RALGPS1: variants seen among roughly 807,000 people sequenced by gnomAD.
RALGPS1 encodes Ral GEF with PH domain and SH3 binding motif 1, also known as ras-specific guanine nucleotide-releasing factor RalGPS1.
Under a neutral mutation model 78.8 loss-of-function variants are expected in RALGPS1, and 19 were observed. That is an observed-to-expected ratio of 0.24 (90% confidence interval 0.17 to 0.35). The LOEUF is 0.35. Ranked by LOEUF, RALGPS1 falls within the 10% of genes least tolerant of loss-of-function variation. The pLI, the probability that RALGPS1 is intolerant of heterozygous loss-of-function variation, is 1.00. For missense variants in RALGPS1, 454 were observed against 688.3 expected, an observed-to-expected ratio of 0.66 and a Z score of 3.81; for synonymous variants, 228 against 256.3, an observed-to-expected ratio of 0.89 and a Z score of 1.06.
chr9:126,978,803 A>C (rs1340100339), intron 4 of RALGPS1, among the ~76,000 whole-genome samples: 1 of 152,070 alleles, frequency 6.6e-6, no homozygotes, highest in African/African-American at 2.4e-5. Context: ...GGCCTTTCCA[A>C]AGGGCCCACG....
intron 6 of RALGPS1, among the ~76,000 whole-genome samples, chr9:127,051,607 C>T (rs1010012582): frequency 6.6e-6 from 1 of 152,120 alleles, no homozygotes; most frequent in Admixed American, 6.5e-5. Flanking sequence ...GAGAATGTTA[C>T]GAGATGTATG....
intron 4 of RALGPS1, among the ~76,000 whole-genome samples, chr9:127,025,108 T>C (rs2045854516): frequency 1.3e-5 from 2 of 152,252 alleles, no homozygotes; most frequent in Admixed American, 6.5e-5. Context: ...CCTGTCTCTG[T>C]CATGTTTACC....
intron 4 of RALGPS1, among the ~76,000 whole-genome samples, chr9:127,026,624 GT>G (rs2045984954): frequency 2.0e-5 from 3 of 152,098 alleles, no homozygotes; most frequent in African/African-American, 7.2e-5. Context: ...CTAAGTTTTT[GT>G]TTCTTTTTCT....
chr9:127,082,633 T>C (rs2051290238), intron 8 of RALGPS1, among the ~76,000 whole-genome samples: 1 of 152,202 alleles, frequency 6.6e-6, no homozygotes, highest in Admixed American at 6.5e-5. Context: ...GGAATCAGAC[T>C]GACTCGAGTT....
chr9:127,172,508 G>A (rs1431643576), intron 10 of RALGPS1, among the ~76,000 whole-genome samples: 1 of 152,132 alleles, frequency 6.6e-6, no homozygotes, highest in South Asian at 2.1e-4. Context: ...GACTACTTCT[G>A]TGCCATTTCG....
intron 11 of RALGPS1, among the ~76,000 whole-genome samples, chr9:127,187,093 T>C (rs2060700492): frequency 6.6e-6 from 1 of 152,138 alleles, no homozygotes; most frequent in Non-Finnish European, 1.5e-5. Context: ...GACTGCAGAG[T>C]GCCTCTGAGC....
intron 1 of RALGPS1, among the ~76,000 whole-genome samples, chr9:126,915,992 C>T (rs1408615739): frequency 6.6e-6 from 1 of 152,108 alleles, no homozygotes; most frequent in Non-Finnish European, 1.5e-5. Context: ...ACTATGCTAC[C>T]TGGGAGAGTT....
At position 127,212,230 on chromosome 9, in the gene RALGPS1, G is replaced by A. The variant is rs1564805772; in HGVS notation, c.1347G>A (p.Lys449=). Residue 449 remains lysine (K), a synonymous_variant, in exon 15 of 19, where the codon AAG becomes AAA. Coordinates refer to ENST00000259351, the MANE Select transcript of RALGPS1 (RefSeq NM_014636.3). The surrounding 1 kb of genome is among the most constrained non-coding windows in gnomAD (Gnocchi z 6.0). ...AAACCCTGCTCAAGGAAGGGCGGAA[G>A]CCTGCGGTAAGTACAGACCCACATC... is the stretch of plus-strand genomic sequence containing the variant. ...RRKTLLKEGR[K]PALSSWTRYW... is the part of the protein sequence containing the mutation. 1 of 1,612,338 alleles carries A rather than the reference G, an allele frequency of 6.2e-7. No individual in the cohort carries two copies. Among genetic ancestry groups the A allele is most frequent in the Non-Finnish European group, 8.5e-7 (1 of 1,178,864 alleles).
intron 8 of RALGPS1, among the ~76,000 whole-genome samples, chr9:127,131,663 G>A (rs1401575266): frequency 6.6e-6 from 1 of 152,208 alleles, no homozygotes; most frequent in African/African-American, 2.4e-5. Flanking sequence ...ACAGACTTCA[G>A]TCTCTACAGC....
Position 127,212,772 on chromosome 9 carries a change from A to G in RALGPS1, c.1446+53A>G, listed in dbSNP as rs1321673127. 4.1e-5 allele frequency: 63 copies of G among 1,531,178 alleles called. No homozygotes were observed. Among genetic ancestry groups the G allele is most frequent in the Non-Finnish European group, 5.5e-5 (61 of 1,112,784 alleles). The allele number at this position is 1,531,178 out of a possible 1,614,324, so 94.8% of individuals were successfully genotyped here. A position where few individuals can be genotyped will look rare whatever the true frequency, so the allele number is the denominator to read the frequency against. On this transcript the variant is annotated intron_variant, in intron 16 of 18. Coordinates refer to ENST00000259351, the MANE Select transcript of RALGPS1 (RefSeq NM_014636.3). This position sits in a 1 kb window ranked among gnomAD's most constrained non-coding sequence, Gnocchi z 6.0. ...TGGGACTTCCTCTAGTGGGGAAGGG[A>G]CCTCTGTGAACTGTGGAGGATGGGG...
At chr9:127,045,819 A>G (rs1403573353) in intron 5 of RALGPS1, among the ~76,000 whole-genome samples, 1 of 151,718 alleles carries the variant, frequency 6.6e-6, no homozygotes, top group Non-Finnish European at 1.5e-5. Flanking sequence ...CTGCCAGCTG[A>G]GAGGACCTAG....
At chr9:127,127,059 GTT>G (rs2056667329) in intron 8 of RALGPS1, among the ~76,000 whole-genome samples, 1 of 152,180 alleles carries the variant, frequency 6.6e-6, no homozygotes, top group Non-Finnish European at 1.5e-5. Flanking sequence ...CTTGTATACA[GTT>G]TAGGAGTTAG....
chr9:126,954,639 T>G (rs1206870303), intron 1 of RALGPS1, among the ~76,000 whole-genome samples: 1 of 151,980 alleles, frequency 6.6e-6, no homozygotes, highest in Non-Finnish European at 1.5e-5. Flanking sequence ...ATACAAAAAT[T>G]AGCCGGGCAT....
chr9:126,924,848 G>A (rs1378052098), intron 1 of RALGPS1, among the ~76,000 whole-genome samples: 1 of 152,226 alleles, frequency 6.6e-6, no homozygotes, highest in African/African-American at 2.4e-5. Context: ...AAGACAGGCC[G>A]GGCGTGGTGG....
intron 7 of RALGPS1, among the ~76,000 whole-genome samples, chr9:127,065,422 T>A (rs1262510098): frequency 6.6e-6 from 1 of 152,162 alleles, no homozygotes. Context: ...TTAAAATATT[T>A]TTGTAGAAAT....
At position 127,183,290 on chromosome 9, in the gene RALGPS1, C is replaced by T. The variant is rs538634223; in HGVS notation, c.910+8508C>T. ...TGATGCTTCTTCTCCCAGGCACTTC[C>T]GTGGGTATTTCAGAGATTCCACAAG... On this transcript the variant is annotated intron_variant, in intron 11 of 18. Transcript: ENST00000259351. This position sits in a 1 kb window ranked among gnomAD's most constrained non-coding sequence, Gnocchi z 4.0. 6.6e-5 allele frequency among the ~76,000 whole-genome samples: 10 copies of T among 152,330 alleles called. 2 individuals carry two copies. In the South Asian group the frequency reaches 1.9e-3, roughly 28 times the overall value.
At chr9:126,975,281 T>C (rs919529108) in intron 3 of RALGPS1, among the ~76,000 whole-genome samples, 2 of 152,206 alleles carry the variant, frequency 1.3e-5, no homozygotes, top group Admixed American at 6.5e-5. Flanking sequence ...TTCTGACTTA[T>C]GGTCTGAGCA....
intron 8 of RALGPS1, among the ~76,000 whole-genome samples, chr9:127,124,879 G>A (rs1375341495): frequency 6.6e-6 from 1 of 152,222 alleles, no homozygotes; most frequent in Non-Finnish European, 1.5e-5. Context: ...TCTGGTAACA[G>A]GTCCAGCACA....
At chr9:127,136,662 C>A (rs998061734) in intron 8 of RALGPS1, among the ~76,000 whole-genome samples, 2 of 152,234 alleles carry the variant, frequency 1.3e-5, no homozygotes, top group South Asian at 2.1e-4. Flanking sequence ...CTGGCCCCCC[C>A]AGAGGCATTC....
Sources: allele counts gnomAD v4.1 joint callset (sites outside exome capture counted in the v4.1 genomes callset), GRCh38; gene constraint gnomAD v4.1.1; non-coding constraint Gnocchi (gnomAD v3.1); transcripts MANE v1.5; gene names NCBI Gene and HGNC (gene_info 2026-07-23, HGNC 2026-07-21).